BCLAF1: variants seen among roughly 807,000 people sequenced by gnomAD.
BCLAF1 encodes the protein bcl-2-associated transcription factor 1.
A neutral mutation model predicts 99.5 loss-of-function variants in BCLAF1; 10 were observed. The observed-to-expected ratio is 0.10, with a 90% CI of 0.06 to 0.17. BCLAF1 has a LOEUF of 0.17. Among genes scored for constraint, BCLAF1 ranks in the 10% least tolerant of loss-of-function variants. The probability of loss-of-function intolerance (pLI) is 1.00; values close to 1 mark genes in which losing one functional copy is unlikely to be tolerated. For missense variants in BCLAF1, 636 were observed against 1,105.8 expected, an observed-to-expected ratio of 0.58 and a Z score of 6.02; for synonymous variants, 255 against 370.9, an observed-to-expected ratio of 0.69 and a Z score of 3.59.
intron 11 of BCLAF1, among the ~76,000 whole-genome samples, chr6:136,265,636 T>C (rs1781610880): frequency 6.6e-6 from 1 of 152,180 alleles, no homozygotes; most frequent in South Asian, 2.1e-4. Context: ...TAGAGTTATC[T>C]ATACCATGCT....
At chr6:136,268,467 A>G (rs887321191) in intron 9 of BCLAF1, 128 bp from the exon 10 acceptor site, 2 of 862,464 alleles carry the variant, frequency 2.3e-6, no homozygotes, top group African/African-American at 3.4e-5. Flanking sequence ...TAAATAAAAT[A>G]ATTGGGTGTT....
intron 3 of BCLAF1, among the ~76,000 whole-genome samples, chr6:136,279,147 TGGG>T (rs1322961662): frequency 6.6e-6 from 1 of 151,960 alleles, no homozygotes; most frequent in Admixed American, 6.6e-5. Flanking sequence ...TATAGTTAAA[TGGG>T]GGAAAAGATT....
At chr6:136,288,478 T>A (rs1343902853) in intron 1 of BCLAF1, among the ~76,000 whole-genome samples, 3 of 152,216 alleles carry the variant, frequency 2.0e-5, no homozygotes, top group Non-Finnish European at 4.4e-5. Context: ...TCCTAACCAT[T>A]CCAACTAAAG....
At chr6:136,266,940 T>G (rs1457593596) in intron 11 of BCLAF1, 89 bp downstream of exon 11, 2 of 1,437,212 alleles carry the variant, frequency 1.4e-6, no homozygotes, top group African/African-American at 1.4e-5. Flanking sequence ...AATCTTCTTA[T>G]AGTAGTGGTT....
rs1780498228 is a variant in BCLAF1, at chr6:136,256,663, C to G, written c.*4447G>C. 7.4e-6 allele frequency: 1 copy of G among 135,972 alleles called. No individual in the cohort carries two copies. Among genetic ancestry groups the G allele is most frequent in the African/African-American group, 2.9e-5 (1 of 34,742 alleles). The allele number at this position is 135,972 out of a possible 1,614,324, so 8.4% of individuals were successfully genotyped here. ...ACTGCACTCTAGTCTGGGTAAGACT[C>G]CATCTCAATAAATAAATAAATAAAT... is the stretch of plus-strand genomic sequence containing the variant. On this transcript the variant is annotated 3_prime_UTR_variant, in exon 13 of 13. Coordinates refer to ENST00000531224, the MANE Select transcript of BCLAF1 (RefSeq NM_014739.3).
rs772337357 is a variant in BCLAF1, at chr6:136,261,396, A to T, written c.2626T>A (p.Phe876Ile). The T allele has an allele frequency of 1.2e-6, 2 of 1,613,812 alleles. No homozygotes were observed. Among genetic ancestry groups the T allele is most frequent in the Non-Finnish European group, 1.7e-6 (2 of 1,179,848 alleles). The change falls in exon 12 of 13, where the codon TTT (phenylalanine) becomes ATT (isoleucine). Residue 876 changes from phenylalanine (F) to isoleucine (I), a missense_variant. This residue lies in a region of BCLAF1 where 57 missense variants were observed against 116.7 expected (regional missense o/e 0.49). Coordinates refer to ENST00000531224, the MANE Select transcript of BCLAF1 (RefSeq NM_014739.3). ...CTGCTACCTGATTTTTTGAAGTTAA[A>T]GCGCCCTCTGCCACGTTGAAAAGTA... Reference protein sequence around the residue: ...RGTFQRGRGRFNFKKSGSSPK... With the variant: ...RGTFQRGRGRINFKKSGSSPK...
At chr6:136,288,231 G>A (rs1177520672) in intron 1 of BCLAF1, among the ~76,000 whole-genome samples, 1 of 152,148 alleles carries the variant, frequency 6.6e-6, no homozygotes. Flanking sequence ...ACTAAGAGAA[G>A]GTGCTCCAAG....
chr6:136,260,203 T>C lies in BCLAF1; in HGVS notation c.*907A>G, dbSNP rs878993513. On this transcript the variant is annotated 3_prime_UTR_variant, in exon 13 of 13. Coordinates refer to ENST00000531224, the MANE Select transcript of BCLAF1 (RefSeq NM_014739.3). ...TGTAAGATATGAAATCAGGTACTAA[T>C]GTATCAACTTATTCTGCAGGATAGA... 1.4e-4 allele frequency: 22 copies of C among 152,090 alleles called. No homozygotes were observed. The East Asian group carries it at 1.5e-3, about 11-fold the overall frequency. 9.4% of individuals were successfully genotyped at this position (152,090 alleles called of 1,614,324 possible). A position where few individuals can be genotyped will look rare whatever the true frequency, so the allele number is the denominator to read the frequency against.
rs1426606652 is a variant in BCLAF1 at position 136,267,103 on chromosome 6, T to C, written c.2470A>G (p.Thr824Ala). The change falls in exon 11 of 13, where the codon ACT becomes GCT. Residue 824 changes from threonine to alanine, a missense_variant. Physicochemically the swap from Thr to Ala is moderately conservative, Grantham distance 58. This residue lies in a region of BCLAF1 where 30 missense variants were observed against 22.9 expected (regional missense o/e 1.31). Transcript: ENST00000531224. ...GTNTGPNNSN[T>A]TFQKRPKEEE... ...TCCTTCGGTCTCTTTTGAAAAGTAG[T>C]ATTTGAGTTGTTTGGACCAGTATTT... is the stretch of plus-strand genomic sequence containing the variant. 27 of 1,613,222 alleles carry C rather than the reference T, an allele frequency of 1.7e-5. No homozygotes were observed. The highest frequency in any genetic ancestry group is 2.2e-5 in the Non-Finnish European group (26 of 1,179,466).
intron 11 of BCLAF1, among the ~76,000 whole-genome samples, chr6:136,262,389 T>C (rs573204604): frequency 2.0e-5 from 3 of 152,182 alleles, no homozygotes; most frequent in South Asian, 4.1e-4. Flanking sequence ...GTGTAATCTA[T>C]AGAGTACCAG....
chr6:136,279,231 A>C (rs968321831), intron 3 of BCLAF1, among the ~76,000 whole-genome samples: 2 of 152,170 alleles, frequency 1.3e-5, no homozygotes, highest in African/African-American at 4.8e-5. Context: ...GGTGGGGGAA[A>C]AAGAATGAGC....
In BCLAF1 at chr6:136,273,890, T is replaced by C. The variant is rs1046930978; in HGVS notation, c.1853-703A>G. 5.8e-6 allele frequency: 5 copies of C among 868,342 alleles called. No homozygotes were observed. In the South Asian group the frequency reaches 9.8e-5, roughly 17 times the overall value. The allele number at this position is 868,342 out of a possible 1,614,324, so 53.8% of individuals were successfully genotyped here. A position where few individuals can be genotyped will look rare whatever the true frequency, so the allele number is the denominator to read the frequency against. On this transcript the variant is annotated intron_variant, in intron 6 of 12. Coordinates refer to ENST00000531224, the MANE Select transcript of BCLAF1 (RefSeq NM_014739.3). ...TAAAATAGAAAGACGTATAAAGTCA[T>C]GAGCTATGAAATGTCACATTATGAA...
chr6:136,284,838 G>A (rs943310140), intron 1 of BCLAF1, among the ~76,000 whole-genome samples: 1 of 152,044 alleles, frequency 6.6e-6, no homozygotes, highest in African/African-American at 2.4e-5. Flanking sequence ...TTGGAGGGGG[G>A]GGAAAAGTAC....
At chr6:136,271,035 T>TA (rs1782452683) in intron 8 of BCLAF1, among the ~76,000 whole-genome samples, 1 of 151,806 alleles carries the variant, frequency 6.6e-6, no homozygotes, top group Non-Finnish European at 1.5e-5. Context: ...CCACATCTAG[T>TA]AAGTTAATAG....
chr6:136,275,023 CATTTT>C (rs745464288), intron 6 of BCLAF1, among the ~76,000 whole-genome samples: 4 of 151,850 alleles, frequency 2.6e-5, no homozygotes, highest in African/African-American at 9.7e-5. Flanking sequence ...CTTGTTTTAT[CATTTT>C]AAGATTTTTA....
intron 2 of BCLAF1, 63 bp from the exon 3 acceptor site, chr6:136,279,939 ATTAC>A (rs1325652467): frequency 1.1e-5 from 14 of 1,332,322 alleles, no homozygotes; most frequent in Admixed American, 6.6e-5. Flanking sequence ...ATTTTACATT[ATTAC>A]TTATTTTCAG....
intron 1 of BCLAF1, among the ~76,000 whole-genome samples, chr6:136,283,244 A>G (rs1178695554): frequency 6.6e-6 from 1 of 151,800 alleles, no homozygotes; most frequent in Non-Finnish European, 1.5e-5. Context: ...CTACTTTATA[A>G]CATCTAAAAT....
rs1780824115 is a variant in BCLAF1, at chr6:136,260,516, C to CT, written c.*593dup. ...TCAATCTGATTTTTAATAGCTTGTA[C>CT]TTTTTAGCTATTGGCAAAGCTTTTT... On this transcript the variant is annotated 3_prime_UTR_variant, in exon 13 of 13. Coordinates refer to ENST00000531224, the MANE Select transcript of BCLAF1 (RefSeq NM_014739.3). The CT allele has an allele frequency of 6.6e-6, 1 of 152,138 alleles. No homozygotes were observed. The highest frequency in any genetic ancestry group is 1.5e-5 in the Non-Finnish European group (1 of 67,868). The allele number at this position is 152,138 out of a possible 1,614,324, so 9.4% of individuals were successfully genotyped here.
At chr6:136,275,223 G>A (rs1169993802) in intron 6 of BCLAF1, among the ~76,000 whole-genome samples, 1 of 152,030 alleles carries the variant, frequency 6.6e-6, no homozygotes, top group Non-Finnish European at 1.5e-5. Context: ...TGCACTTCAA[G>A]TACATTACAA....
Sources: allele counts gnomAD v4.1 joint callset (sites outside exome capture counted in the v4.1 genomes callset), GRCh38; gene constraint gnomAD v4.1.1; regional missense constraint gnomAD v4.1.1; transcripts MANE v1.5; gene names NCBI Gene and HGNC (gene_info 2026-07-23, HGNC 2026-07-21).